The following FAM110B variants were observed in gnomAD, a reference collection of about 807,000 sequenced individuals.
FAM110B encodes the protein protein FAM110B.
FAM110B carries 6 observed loss-of-function variants against 20.4 expected under a neutral mutation model. That is an observed-to-expected ratio of 0.29 (90% confidence interval 0.16 to 0.58). The LOEUF is 0.58. Among genes scored for constraint, FAM110B ranks in the 20% least tolerant of loss-of-function variants. The pLI is 0.90. For missense variants in FAM110B, 434 were observed against 498.2 expected, an observed-to-expected ratio of 0.87 and a Z score of 1.23; for synonymous variants, 226 against 214.1, an observed-to-expected ratio of 1.06 and a Z score of -0.49.
intron 2 of FAM110B, among the ~76,000 whole-genome samples, chr8:58,035,657 G>T (rs1021194487): frequency 1.3e-5 from 2 of 152,142 alleles, no homozygotes; most frequent in African/African-American, 2.4e-5. Flanking sequence ...TGCAGCAAAG[G>T]AATTGAAGAT....
rs76820127 is a variant in FAM110B, at chr8:58,039,182, T to A, written c.-414+7479T>A. ...GGGCTGGCACTCACAGGGCCCCTCC[T>A]TGCTGGCCCTGCTGAGCCCAGAGTC... is the stretch of plus-strand genomic sequence containing the variant. On this transcript the variant is annotated intron_variant, in intron 2 of 3. Transcript: ENST00000519262. Among the ~76,000 whole-genome samples the A allele has an allele frequency of 1.3e-3, 192 of 152,326 alleles. 4 individuals are homozygous for A. The East Asian group carries it at 0.029, about 23-fold the overall frequency.
At chr8:58,007,340 C>T (rs939313345) in intron 1 of FAM110B, among the ~76,000 whole-genome samples, 7 of 152,120 alleles carry the variant, frequency 4.6e-5, no homozygotes, top group African/African-American at 1.2e-4. Context: ...CTTTGTGTAT[C>T]GGATCACGTG....
chr8:58,111,635 AAAG>A (rs1479787890), intron 3 of FAM110B, among the ~76,000 whole-genome samples: 18 of 152,256 alleles, frequency 1.2e-4, no homozygotes, highest in Admixed American at 5.2e-4. Flanking sequence ...TAATTTAAAA[AAAG>A]AAAAAAAAAC....
intron 3 of FAM110B, among the ~76,000 whole-genome samples, chr8:58,086,919 A>C (rs1806352827): frequency 6.6e-6 from 1 of 152,254 alleles, no homozygotes; most frequent in Non-Finnish European, 1.5e-5. Flanking sequence ...CAGGCACTTC[A>C]GCCCTTTAGT....
intron 2 of FAM110B, among the ~76,000 whole-genome samples, chr8:58,072,378 A>G (rs1585861462): frequency 6.6e-6 from 1 of 152,182 alleles, no homozygotes; most frequent in South Asian, 2.1e-4. Context: ...TAAAAATTTA[A>G]ATATGAATGT....
chr8:58,107,077 T>TA (rs11435278), intron 3 of FAM110B, among the ~76,000 whole-genome samples: 23,394 of 147,674 alleles, frequency 0.16, 1,845 homozygotes, highest in South Asian at 0.2. Flanking sequence ...CTGGCGGTGG[T>TA]AAAAAAAAAA....
chr8:58,108,694 G>A (rs181622849), intron 3 of FAM110B, among the ~76,000 whole-genome samples: 5 of 152,146 alleles, frequency 3.3e-5, no homozygotes, highest in South Asian at 2.1e-4. Flanking sequence ...TGTCTCATCC[G>A]GGGGCGGTGA....
chr8:58,038,035 T>C (rs145092891), intron 2 of FAM110B, among the ~76,000 whole-genome samples: 1 of 152,276 alleles, frequency 6.6e-6, no homozygotes, highest in African/African-American at 2.4e-5. Context: ...ACCAAATGAA[T>C]TCTAGATTGT....
At chr8:58,047,695 G>T (rs1805357878) in intron 2 of FAM110B, among the ~76,000 whole-genome samples, 2 of 142,828 alleles carry the variant, frequency 1.4e-5, no homozygotes, top group Non-Finnish European at 3.0e-5. Flanking sequence ...CTATTAAATA[G>T]GAATAGTAAT....
At chr8:58,117,140 G>A (rs1240057506) in intron 3 of FAM110B, among the ~76,000 whole-genome samples, 1 of 152,170 alleles carries the variant, frequency 6.6e-6, no homozygotes, top group Non-Finnish European at 1.5e-5. Context: ...GGAAAAATCA[G>A]TATTATTAGG....
Position 58,021,164 on chromosome 8 carries a change from C to T in FAM110B, c.-511-10442C>T, listed in dbSNP as rs192501762. On this transcript the variant is annotated intron_variant, in intron 1 of 3. Coordinates refer to ENST00000519262, the MANE Select transcript of FAM110B (RefSeq NM_001377989.1). ...AAGTGTCAATGAGTTCTCTTGCCCC[C>T]GGATGCTGATTGGGTTTCACCAGTT... is the stretch of plus-strand genomic sequence containing the variant. Among the ~76,000 whole-genome samples the T allele has an allele frequency of 2.7e-3, 411 of 152,214 alleles. 2 individuals carry two copies. The highest frequency in any genetic ancestry group is 9.4e-3 in the African/African-American group (392 of 41,504).
intron 1 of FAM110B, among the ~76,000 whole-genome samples, chr8:58,022,784 C>T (rs1460940276): frequency 1.3e-5 from 2 of 152,140 alleles, no homozygotes; most frequent in African/African-American, 4.8e-5. Context: ...AAATCATTGC[C>T]ACCTGCTCTG....
At chr8:58,005,921 G>A (rs1345943717) in intron 1 of FAM110B, among the ~76,000 whole-genome samples, 1 of 152,100 alleles carries the variant, frequency 6.6e-6, no homozygotes, top group African/African-American at 2.4e-5. Flanking sequence ...TTGATTTGAT[G>A]GTAACTACCA....
At chr8:58,024,566 G>T (rs1448493963) in intron 1 of FAM110B, among the ~76,000 whole-genome samples, 2 of 152,170 alleles carry the variant, frequency 1.3e-5, no homozygotes, top group Non-Finnish European at 2.9e-5. Context: ...TGCCTAACTT[G>T]ATTTGTCCAA....
At chr8:58,021,367 A>T (rs544725102) in intron 1 of FAM110B, among the ~76,000 whole-genome samples, 2 of 152,334 alleles carry the variant, frequency 1.3e-5, no homozygotes, top group East Asian at 3.9e-4. Context: ...ATTAATAAAT[A>T]AATAAAACCA....
At position 58,146,322 on chromosome 8, in the gene FAM110B, A is replaced by T; in HGVS notation, c.92A>T (p.Asn31Ile). 6.2e-7 allele frequency: 1 copy of T among 1,613,990 alleles called. No individual in the cohort carries two copies. Among genetic ancestry groups the T allele is most frequent in the Non-Finnish European group, 8.5e-7 (1 of 1,179,982 alleles). ...FTSAVPLRIL[N>I]KGPDYFRRQA... ...TCTGCTGTGCCCCTGCGCATCCTGA[A>T]CAAGGGGCCAGACTACTTCCGCAGG... is the stretch of plus-strand genomic sequence containing the variant. Residue 31 changes from asparagine (N) to isoleucine (I), a missense_variant, in exon 4 of 4, where the codon AAC becomes ATC. By Grantham distance (149) the Asn-to-Ile change is moderately radical. Coordinates refer to ENST00000519262, the MANE Select transcript of FAM110B (RefSeq NM_001377989.1).
chr8:58,041,809 T>G (rs1805227256), intron 2 of FAM110B, among the ~76,000 whole-genome samples: 1 of 152,250 alleles, frequency 6.6e-6, no homozygotes, highest in Admixed American at 6.5e-5. Context: ...GGTATTCCTA[T>G]TCTCTGAATT....
intron 1 of FAM110B, among the ~76,000 whole-genome samples, chr8:58,013,262 A>G (rs1013079219): frequency 6.6e-6 from 1 of 152,212 alleles, no homozygotes; most frequent in Non-Finnish European, 1.5e-5. Flanking sequence ...GAGTATCATC[A>G]GTATCATCGC....
intron 2 of FAM110B, among the ~76,000 whole-genome samples, chr8:58,072,248 C>T (rs1196730372): frequency 2.0e-5 from 3 of 152,176 alleles, no homozygotes; most frequent in African/African-American, 7.2e-5. Flanking sequence ...GTCTAGAGTT[C>T]CTTTTGGGCA....
Sources: gnomAD v4.1 joint callset for allele counts (sites outside exome capture counted in the v4.1 genomes callset) on GRCh38, gnomAD v4.1.1 for gene constraint, MANE v1.5 for transcripts, NCBI Gene and HGNC (gene_info 2026-07-23, HGNC 2026-07-21) for gene names.